SLC9A9: variants seen among roughly 807,000 people sequenced by gnomAD.
The protein encoded by SLC9A9 is sodium/hydrogen exchanger 9.
Under a neutral mutation model 77.8 loss-of-function variants are expected in SLC9A9, and 62 were observed. That is an observed-to-expected ratio of 0.80 (90% CI 0.65 to 0.98). SLC9A9 has a LOEUF of 0.98. SLC9A9 is among the 50% of genes least tolerant of loss of function. The pLI is 0.00. For missense variants in SLC9A9, 775 were observed against 774.9 expected, an observed-to-expected ratio of 1.00 and a Z score of 0.00; for synonymous variants, 320 against 283.5, an observed-to-expected ratio of 1.13 and a Z score of -1.29.
At chr3:143,807,735 A>T (rs904624739) in intron 2 of SLC9A9, among the ~76,000 whole-genome samples, 1 of 151,580 alleles carries the variant, frequency 6.6e-6, no homozygotes, top group Non-Finnish European at 1.5e-5. Flanking sequence ...ATAGAATGAG[A>T]CTCTGTCTTT....
In SLC9A9 at chr3:143,462,485, C is replaced by T. The variant is rs538809337; in HGVS notation, c.1469+4552G>A. 5.9e-5 allele frequency among the ~76,000 whole-genome samples: 9 copies of T among 152,236 alleles called. No individual in the cohort carries two copies. In the East Asian group the frequency reaches 1.5e-3, roughly 26 times the overall value. On this transcript the variant is annotated intron_variant, in intron 12 of 15. Coordinates refer to ENST00000316549, the MANE Select transcript of SLC9A9 (RefSeq NM_173653.4). ...TTTACTGATTTGGGGAAGAGGCTGA[C>T]GGCAGGATAGTTTGGGATCCTGAAT... is the stretch of plus-strand genomic sequence containing the variant.
intron 5 of SLC9A9, among the ~76,000 whole-genome samples, chr3:143,678,081 C>T (rs1199120424): frequency 6.6e-6 from 1 of 152,228 alleles, no homozygotes; most frequent in Non-Finnish European, 1.5e-5. Context: ...CCGCCTCAGC[C>T]TCCCAAAGTG....
chr3:143,336,168 T>A (rs2031915477), intron 14 of SLC9A9, among the ~76,000 whole-genome samples: 1 of 152,134 alleles, frequency 6.6e-6, no homozygotes, highest in Non-Finnish European at 1.5e-5. Flanking sequence ...ATATCTCTAA[T>A]CATCAGGAGA....
chr3:143,390,606 G>T (rs935549383), intron 12 of SLC9A9, among the ~76,000 whole-genome samples: 4 of 152,186 alleles, frequency 2.6e-5, no homozygotes, highest in African/African-American at 9.7e-5. Context: ...AGGGGGTGCA[G>T]GACAGTGGGT....
chr3:143,628,077 C>T (rs1200146935), intron 6 of SLC9A9, among the ~76,000 whole-genome samples: 1 of 152,138 alleles, frequency 6.6e-6, no homozygotes, highest in Non-Finnish European at 1.5e-5. Context: ...TAGGAAAATA[C>T]GGCTTTCTCA....
chr3:143,606,424 CTCTCTCTCTCTCTATA>C (rs1326433871), intron 6 of SLC9A9, among the ~76,000 whole-genome samples: 2 of 74,620 alleles, frequency 2.7e-5, no homozygotes, highest in East Asian at 4.7e-4. Context: ...CTCTCTCTCT[CTCTCTCTCTCTCTATA>C]TATATATATA....
chr3:143,378,382 T>C (rs1169746551), intron 13 of SLC9A9, among the ~76,000 whole-genome samples: 1 of 152,196 alleles, frequency 6.6e-6, no homozygotes, highest in Non-Finnish European at 1.5e-5. Flanking sequence ...GCAAGTTTTG[T>C]CTCTGTGTAC....
chr3:143,359,487 A>AAAGG, intron 14 of SLC9A9, among the ~76,000 whole-genome samples: 1 of 152,254 alleles, frequency 6.6e-6, no homozygotes, highest in South Asian at 2.1e-4. Context: ...TGAAAGAGGT[A>AAAGG]AAGGAAGGAA....
At position 143,654,954 on chromosome 3, in the gene SLC9A9, C is replaced by A. The variant is rs77544942; in HGVS notation, c.650-2594G>T. Among the ~76,000 whole-genome samples, 64 of 152,314 alleles carry A rather than the reference C, an allele frequency of 4.2e-4. 1 individual carries two copies. The East Asian group carries it at 9.4e-3, about 22-fold the overall frequency. Reference sequence around the variant, plus strand: ...TGACATTCCCACAATTCCTTTTGAACAAAGAACTGAACTCTGTTTCATAAA... The same window carrying A: ...TGACATTCCCACAATTCCTTTTGAAAAAAGAACTGAACTCTGTTTCATAAA... On this transcript the variant is annotated intron_variant, in intron 5 of 15. Coordinates refer to ENST00000316549, the MANE Select transcript of SLC9A9 (RefSeq NM_173653.4).
intron 14 of SLC9A9, among the ~76,000 whole-genome samples, chr3:143,335,773 A>G (rs2031904071): frequency 6.6e-6 from 1 of 152,202 alleles, no homozygotes; most frequent in Non-Finnish European, 1.5e-5. Flanking sequence ...AAATGAATCA[A>G]GGACCTAAGT....
At chr3:143,836,211 T>G (rs1377460561) in intron 1 of SLC9A9, among the ~76,000 whole-genome samples, 1 of 152,254 alleles carries the variant, frequency 6.6e-6, no homozygotes, top group Non-Finnish European at 1.5e-5. Flanking sequence ...CTGATAGCAT[T>G]TATTGTTTGA....
chr3:143,819,395 A>G (rs1207534076), intron 2 of SLC9A9, among the ~76,000 whole-genome samples: 2 of 152,234 alleles, frequency 1.3e-5, no homozygotes, highest in African/African-American at 4.8e-5. Flanking sequence ...CAAAACATCT[A>G]CATAATTCTA....
At chr3:143,353,014 C>T (rs1347649051) in intron 14 of SLC9A9, among the ~76,000 whole-genome samples, 1 of 152,196 alleles carries the variant, frequency 6.6e-6, no homozygotes, top group Non-Finnish European at 1.5e-5. Flanking sequence ...ACAATCTGTG[C>T]ACATGATAAT....
At chr3:143,542,762 C>T (rs1339210202) in intron 9 of SLC9A9, among the ~76,000 whole-genome samples, 1 of 152,186 alleles carries the variant, frequency 6.6e-6, no homozygotes, top group Non-Finnish European at 1.5e-5. Context: ...TGTTAATGGT[C>T]ATAATTCATT....
At chr3:143,574,379 T>C (rs1266432220) in intron 7 of SLC9A9, among the ~76,000 whole-genome samples, 186 bp from the exon 8 acceptor site, 1 of 152,188 alleles carries the variant, frequency 6.6e-6, no homozygotes, top group African/African-American at 2.4e-5. Context: ...AGTTCCATGC[T>C]TCACCGGGGG....
At chr3:143,474,008 A>G (rs1243822330) in intron 11 of SLC9A9, among the ~76,000 whole-genome samples, 2 of 152,150 alleles carry the variant, frequency 1.3e-5, no homozygotes, top group Non-Finnish European at 2.9e-5. Context: ...GAGTATTTAT[A>G]TGTGAGGGGA....
chr3:143,632,548 C>T lies in SLC9A9; in HGVS notation c.755+19707G>A, dbSNP rs181780337. 8.2e-4 allele frequency among the ~76,000 whole-genome samples: 125 copies of T among 152,198 alleles called. 1 individual carries two copies. Among genetic ancestry groups the T allele is most frequent in the African/African-American group, 2.9e-3 (121 of 41,560 alleles). On this transcript the variant is annotated intron_variant, in intron 6 of 15. Coordinates refer to ENST00000316549, the MANE Select transcript of SLC9A9 (RefSeq NM_173653.4). ...CACACAGTAACATTACCCAACTGATCCCCAAAATTCTTAGATCTTCCACCC... is the reference window on the plus strand; with the variant it reads ...CACACAGTAACATTACCCAACTGATTCCCAAAATTCTTAGATCTTCCACCC...
chr3:143,425,115 T>TA (rs2034378618), intron 12 of SLC9A9, among the ~76,000 whole-genome samples: 1 of 152,214 alleles, frequency 6.6e-6, no homozygotes, highest in South Asian at 2.1e-4. Context: ...ATACTTCAGC[T>TA]AAAAACACTT....
intron 14 of SLC9A9, among the ~76,000 whole-genome samples, chr3:143,279,475 A>G (rs189706393): frequency 6.6e-6 from 1 of 152,336 alleles, no homozygotes; most frequent in East Asian, 1.9e-4. Flanking sequence ...TGTGCAGGCT[A>G]CATAGGTATA....
Sources: gnomAD v4.1 joint callset for allele counts (sites outside exome capture counted in the v4.1 genomes callset) on GRCh38, gnomAD v4.1.1 for gene constraint, MANE v1.5 for transcripts, NCBI Gene and HGNC (gene_info 2026-07-23, HGNC 2026-07-21) for gene names.